Variants in CYP27A1 observed in about 807,000 individuals in gnomAD.
CYP27A1 encodes the protein sterol 26-hydroxylase, mitochondrial.
In CYP27A1, 46 loss-of-function variants were observed where a neutral mutation model predicts 58.2. The ratio of observed to expected loss-of-function variants is 0.79; its 90% CI spans 0.62 to 1.01. The LOEUF (loss-of-function observed/expected upper bound fraction) is 1.01, where lower values mean the gene tolerates loss of function less well. Ranked by LOEUF, CYP27A1 falls within the 50% of genes least tolerant of loss-of-function variation. The pLI is 0.00. For synonymous variants in CYP27A1, 274 were observed against 285.1 expected, an observed-to-expected ratio of 0.96 and a Z score of 0.39; for missense variants, 704 against 687.0, an observed-to-expected ratio of 1.02 and a Z score of -0.28.
At chr2:218,806,215 A>G (rs909065168) in intron 1 of CYP27A1, among the ~76,000 whole-genome samples, 1 of 152,250 alleles carries the variant, frequency 6.6e-6, no homozygotes, top group Non-Finnish European at 1.5e-5. Flanking sequence ...TCAACTTAAC[A>G]GAAGGATAAG....
chr2:218,791,840 GC>G (rs1364690012), intron 1 of CYP27A1, among the ~76,000 whole-genome samples: 1 of 152,148 alleles, frequency 6.6e-6, no homozygotes, highest in Non-Finnish European at 1.5e-5. Flanking sequence ...ATACACGGTG[GC>G]ATGATGAGCT....
rs576225298 is a variant in CYP27A1 at position 218,789,137 on chromosome 2, T to C, written c.255+6700T>C. Among the ~76,000 whole-genome samples, 64 of 152,346 alleles carry C rather than the reference T, an allele frequency of 4.2e-4. 1 individual carries two copies. Among genetic ancestry groups the C allele is most frequent in the African/African-American group, 1.5e-3 (62 of 41,570 alleles). ...GTAGGCAAAGAGACATGCAAGAATA[T>C]TCAAGGCAGCCTTATTTGTAGTCAG... On this transcript the variant is annotated intron_variant, in intron 1 of 8. Coordinates refer to ENST00000258415, the MANE Select transcript of CYP27A1 (RefSeq NM_000784.4).
chr2:218,809,442 CTTTTTT>C (rs57956133), intron 1 of CYP27A1, 129 bp from the exon 2 acceptor site: 65 of 369,972 alleles, frequency 1.8e-4, no homozygotes, highest in East Asian at 7.5e-4. Context: ...ACACAATGCC[CTTTTTT>C]TTTTTTTTTT....
intron 1 of CYP27A1, among the ~76,000 whole-genome samples, chr2:218,788,609 T>C (rs1943461503): frequency 6.6e-6 from 1 of 151,996 alleles, no homozygotes; most frequent in Non-Finnish European, 1.5e-5. Flanking sequence ...ACTAAAGGAG[T>C]AGAATCGTAT....
rs182550029 is a variant in CYP27A1 at position 218,802,834 on chromosome 2, G to C, written c.256-6743G>C. ...TTTCTTGTGGTTAACAGTGGCTTTG[G>C]TTTGCATTTCCTTAATGACAAATGA... is the stretch of plus-strand genomic sequence containing the variant. On this transcript the variant is annotated intron_variant, in intron 1 of 8. Coordinates refer to ENST00000258415, the MANE Select transcript of CYP27A1 (RefSeq NM_000784.4). 7.2e-5 allele frequency among the ~76,000 whole-genome samples: 11 copies of C among 152,146 alleles called. No homozygotes were observed. The East Asian group carries it at 2.1e-3, about 29-fold the overall frequency.
chr2:218,796,076 G>A (rs1291657313), intron 1 of CYP27A1, among the ~76,000 whole-genome samples: 8 of 151,932 alleles, frequency 5.3e-5, no homozygotes, highest in Admixed American at 3.9e-4. Flanking sequence ...TACTGACCAC[G>A]GGTCAGGAAC....
At chr2:218,810,900 C>A (rs1943707008) in intron 2 of CYP27A1, among the ~76,000 whole-genome samples, 1 of 152,156 alleles carries the variant, frequency 6.6e-6, no homozygotes. Flanking sequence ...GTAATCCCAG[C>A]ACTTTGGGAG....
At chr2:218,785,329 A>G (rs1195301028) in intron 1 of CYP27A1, among the ~76,000 whole-genome samples, 1 of 152,130 alleles carries the variant, frequency 6.6e-6, no homozygotes, top group Non-Finnish European at 1.5e-5. Flanking sequence ...TTGCTCACTC[A>G]CCTACTGCTT....
At chr2:218,800,452 A>G (rs1201260899) in intron 1 of CYP27A1, among the ~76,000 whole-genome samples, 1 of 152,188 alleles carries the variant, frequency 6.6e-6, no homozygotes, top group Non-Finnish European at 1.5e-5. Context: ...AAATAAAAAC[A>G]CATGACCATG....
chr2:218,797,277 T>G (rs1473091647), intron 1 of CYP27A1, among the ~76,000 whole-genome samples: 2 of 152,104 alleles, frequency 1.3e-5, no homozygotes, highest in Non-Finnish European at 2.9e-5. Context: ...TGTTTTGTAT[T>G]GTTAGTAGAG....
In CYP27A1 at chr2:218,809,686, G is replaced by A. The variant is rs1447036682; in HGVS notation, c.365G>A (p.Gly122Asp). 6.2e-7 allele frequency: 1 copy of A among 1,614,180 alleles called. No individual in the cohort carries two copies. The highest frequency in any genetic ancestry group is 1.1e-5 in the South Asian group (1 of 91,084). Residue 122 changes from glycine to aspartate, a missense_variant, in exon 2 of 9, where the codon GGC becomes GAC. Transcript: ENST00000258415. ...TTGGAGCAAGTGATGCGGCAAGAGG[G>A]CAAGTACCCAGTACGGAACGACATG... ...PLLEQVMRQE[G>D]KYPVRNDMEL...
intron 1 of CYP27A1, among the ~76,000 whole-genome samples, chr2:218,793,800 C>T (rs531544578): frequency 1.4e-4 from 21 of 151,892 alleles, no homozygotes; most frequent in African/African-American, 4.3e-4. Context: ...CTGCAACCTC[C>T]GCCCCCAGGT....
Position 218,782,634 on chromosome 2 carries a change from G to A in CYP27A1, c.255+197G>A, listed in dbSNP as rs1476242164. On this transcript the variant is annotated intron_variant, in intron 1 of 8. Transcript: ENST00000258415. This position sits in a 1 kb window ranked among gnomAD's most constrained non-coding sequence, Gnocchi z 4.1. ...AGAGCCCTTTGAGCTGAGATAAACA[G>A]GACGAGGAAGGGCTTAAATCAGGAC... Among the ~76,000 whole-genome samples, 5 of 152,178 alleles carry A rather than the reference G, an allele frequency of 3.3e-5. No homozygotes were observed. Among genetic ancestry groups the A allele is most frequent in the Admixed American group, 2.6e-4 (4 of 15,272 alleles).
intron 1 of CYP27A1, among the ~76,000 whole-genome samples, chr2:218,787,035 C>G (rs901227844): frequency 1.3e-5 from 2 of 152,170 alleles, no homozygotes; most frequent in Non-Finnish European, 2.9e-5. Flanking sequence ...AAGCAATTCA[C>G]CCACTTTGGC....
In CYP27A1 at chr2:218,794,607, C is replaced by T. The variant is rs906704756; in HGVS notation, c.255+12170C>T. On this transcript the variant is annotated intron_variant, in intron 1 of 8. Coordinates refer to ENST00000258415, the MANE Select transcript of CYP27A1 (RefSeq NM_000784.4). ...AAAAAAAACTTTACCCTTTTGCCGG[C>T]GTGTTGGGCTTCTGGGTTCCCTTCC... Among the ~76,000 whole-genome samples the T allele has an allele frequency of 2.0e-5, 3 of 152,282 alleles. No homozygotes were observed. The South Asian group carries it at 6.2e-4, about 32-fold the overall frequency.
chr2:218,805,090 C>T (rs189089203), intron 1 of CYP27A1, among the ~76,000 whole-genome samples: 1 of 152,328 alleles, frequency 6.6e-6, no homozygotes, highest in African/African-American at 2.4e-5. Flanking sequence ...TCAACAAATG[C>T]AGCAACACGG....
chr2:218,812,300 G>T lies in CYP27A1; in HGVS notation c.525G>T (p.Thr175=), dbSNP rs200506778. The change falls in exon 3 of 9, where the codon ACG becomes ACT. Residue 175 remains threonine (T), a synonymous_variant. Transcript: ENST00000258415. The part of the protein sequence containing the change: ...LLKPAEAALY[T]DAFNEVIDDF... ...AGCCAGCGGAAGCAGCGCTCTATAC[G>T]GATGCTTTCAATGAGGTGATTGATG... The T allele has an allele frequency of 1.9e-6, 3 of 1,614,136 alleles. No individual in the cohort carries two copies. Among genetic ancestry groups the T allele is most frequent in the Non-Finnish European group, 2.5e-6 (3 of 1,180,022 alleles).
intron 3 of CYP27A1, 53 bp from the exon 4 acceptor site, chr2:218,812,499 G>T: frequency 6.2e-7 from 1 of 1,612,110 alleles, no homozygotes; most frequent in Non-Finnish European, 8.5e-7. Flanking sequence ...AGGGCTCCTG[G>T]ATTCCATATG....
intron 1 of CYP27A1, among the ~76,000 whole-genome samples, chr2:218,804,088 G>T (rs1943627761): frequency 6.6e-6 from 1 of 151,988 alleles, no homozygotes; most frequent in Non-Finnish European, 1.5e-5. Flanking sequence ...AATTCCTCAT[G>T]CATTTGTTAT....
Sources: gnomAD v4.1 joint callset for allele counts (sites outside exome capture counted in the v4.1 genomes callset) on GRCh38, gnomAD v4.1.1 for gene constraint, Gnocchi (gnomAD v3.1) non-coding constraint, MANE v1.5 for transcripts, NCBI Gene and HGNC (gene_info 2026-07-23, HGNC 2026-07-21) for gene names.